The following MAST4 variants were observed in gnomAD, a reference collection of about 807,000 sequenced individuals.
MAST4 encodes microtubule associated serine/threonine kinase family member 4, also known as microtubule-associated serine/threonine-protein kinase 4.
Under a neutral mutation model 162.7 loss-of-function variants are expected in MAST4, and 89 were observed. The observed-to-expected ratio is 0.55, with a 90% CI of 0.46 to 0.65. MAST4 has a LOEUF of 0.65. Ranked by LOEUF, MAST4 falls within the 30% of genes least tolerant of loss-of-function variation. The pLI is 0.00. For synonymous variants in MAST4, 1,479 were observed against 1,361.1 expected, an observed-to-expected ratio of 1.09 and a Z score of -1.91; for missense variants, 3,153 against 3,374.0, an observed-to-expected ratio of 0.93 and a Z score of 1.62.
At chr5:66,723,831 A>G (rs1006909509) in intron 1 of MAST4, among the ~76,000 whole-genome samples, 13 of 152,198 alleles carry the variant, frequency 8.5e-5, no homozygotes, top group Admixed American at 2.0e-4. Context: ...CATTTTTGTT[A>G]AAACATTGCA....
intron 3 of MAST4, among the ~76,000 whole-genome samples, chr5:66,808,660 T>C (rs1756325234): frequency 6.6e-6 from 1 of 152,214 alleles, no homozygotes; most frequent in Non-Finnish European, 1.5e-5. Flanking sequence ...AAGAGAGTGC[T>C]TCAGAAACAT....
At chr5:66,938,029 A>G (rs1742950504) in intron 4 of MAST4, among the ~76,000 whole-genome samples, 1 of 152,006 alleles carries the variant, frequency 6.6e-6, no homozygotes, top group Non-Finnish European at 1.5e-5. Flanking sequence ...CAGGGCACTT[A>G]GCTGTTATAT....
chr5:66,647,958 T>G lies in MAST4; in HGVS notation c.363+50940T>G, dbSNP rs72759198. Among the ~76,000 whole-genome samples the G allele has an allele frequency of 9.5e-3, 1,438 of 152,096 alleles. 12 individuals carry two copies. The highest frequency in any genetic ancestry group is 0.011 in the Non-Finnish European group (746 of 67,984). ...AATTACTTCTGATAAGTCATTTACA[T>G]TATTGATGCTCTACAACTTGAGGGA... On this transcript the variant is annotated intron_variant, in intron 1 of 28. Coordinates refer to ENST00000403625, the MANE Select transcript of MAST4 (RefSeq NM_001164664.2).
chr5:66,895,678 T>C (rs547675354), intron 3 of MAST4, among the ~76,000 whole-genome samples: 1 of 152,260 alleles, frequency 6.6e-6, no homozygotes, highest in South Asian at 2.1e-4. Context: ...AGCTAGAATC[T>C]CTCTCACCTA....
chr5:67,040,185 T>C (rs1188118454), intron 4 of MAST4, among the ~76,000 whole-genome samples: 1 of 152,022 alleles, frequency 6.6e-6, no homozygotes, highest in Non-Finnish European at 1.5e-5. Flanking sequence ...GTGAGTTATC[T>C]AGAAATAAGA....
In MAST4 at chr5:67,110,128, G is replaced by T. The variant is rs1187307231; in HGVS notation, c.1387G>T (p.Ala463Ser). 6.2e-7 allele frequency: 1 copy of T among 1,613,486 alleles called. No individual in the cohort carries two copies. Among genetic ancestry groups the T allele is most frequent in the Non-Finnish European group, 8.5e-7 (1 of 1,179,528 alleles). The part of the protein sequence containing the change: ...AHDRSESGEL[A>S]FIKQLVRKIL... Reference sequence around the variant, plus strand: ...TGATCGTTCAGAAAGTGGAGAATTGGCATTTATTAAACAACTAGTTCGAAA... The same window carrying T: ...TGATCGTTCAGAAAGTGGAGAATTGTCATTTATTAAACAACTAGTTCGAAA... The change falls in exon 11 of 29, where the codon GCA becomes TCA. Residue 463 changes from alanine to serine, a missense_variant. Ala to Ser is a moderately conservative substitution (Grantham distance 99). Transcript: ENST00000403625.
At chr5:66,907,612 G>A (rs1419563102) in intron 4 of MAST4, among the ~76,000 whole-genome samples, 7 of 150,954 alleles carry the variant, frequency 4.6e-5, no homozygotes, top group East Asian at 3.9e-4. Flanking sequence ...GTGTGTGTGT[G>A]TGTGTGTGTG....
At chr5:67,083,561 A>T (rs1446401168) in intron 5 of MAST4, among the ~76,000 whole-genome samples, 1 of 152,164 alleles carries the variant, frequency 6.6e-6, no homozygotes, top group African/African-American at 2.4e-5. Flanking sequence ...TCTTCTAGGA[A>T]AAAGGGGGAA....
At chr5:66,767,540 T>G (rs530487056) in intron 2 of MAST4, among the ~76,000 whole-genome samples, 146 of 152,116 alleles carry the variant, frequency 9.6e-4, no homozygotes, top group Non-Finnish European at 1.6e-3. Context: ...ATGTAGTCAC[T>G]GAGTAGTCTT....
intron 2 of MAST4, among the ~76,000 whole-genome samples, chr5:66,771,351 A>AT (rs932162910): frequency 5.9e-5 from 9 of 151,602 alleles, no homozygotes; most frequent in South Asian, 2.1e-4. Flanking sequence ...CACCCGGCTA[A>AT]TTTTTTTTGT....
rs541922252 is a variant in MAST4, at chr5:66,893,567, T to C, written c.643-6384T>C. Among the ~76,000 whole-genome samples the C allele has an allele frequency of 2.6e-5, 4 of 152,318 alleles. No individual in the cohort carries two copies. In the South Asian group the frequency reaches 6.2e-4, roughly 24 times the overall value. The stretch of plus-strand genomic sequence containing the variant: ...TTAACTTGACTAGCACAAATAAATA[T>C]ATGAAAGTGCATTATGATTATAGAT... On this transcript the variant is annotated intron_variant, in intron 3 of 28. Transcript: ENST00000403625.
rs1164994337 is a variant in MAST4, at chr5:67,166,021, C to T, written c.6842C>T (p.Pro2281Leu). ...PSVPLHTDRA[P>L]LDAKPQPTSG... ...GTCCCACTGCACACTGACAGGGCTC[C>T]TCTAGACGCCAAGCCACAACCCACC... Residue 2281 changes from proline (P) to leucine (L), a missense_variant, in exon 29 of 29, where the codon CCT (proline) becomes CTT (leucine). Around this residue, in one of 7 missense-constraint regions of MAST4, gnomAD observed 1,644 missense variants for 1,495.0 expected, o/e 1.10. Transcript: ENST00000403625. 42 of 1,613,630 alleles carry T rather than the reference C, an allele frequency of 2.6e-5. No individual in the cohort carries two copies. The highest frequency in any genetic ancestry group is 1.6e-4 in the Middle Eastern group (1 of 6,062).
In MAST4 at chr5:66,649,818, A is replaced by C. The variant is rs138585470; in HGVS notation, c.363+52800A>C. Among the ~76,000 whole-genome samples, 1,201 of 152,158 alleles carry C rather than the reference A, an allele frequency of 7.9e-3. 11 individuals carry two copies. Among genetic ancestry groups the C allele is most frequent in the South Asian group, 0.021 (99 of 4,812 alleles). ...CCACAGTGTCTGCTATAATCCCAGCACTTTGGGAGTCTGAGGTGGGTGGAT... is the reference window on the plus strand; with the variant it reads ...CCACAGTGTCTGCTATAATCCCAGCCCTTTGGGAGTCTGAGGTGGGTGGAT... On this transcript the variant is annotated intron_variant, in intron 1 of 28. Transcript: ENST00000403625.
At position 67,116,998 on chromosome 5, in the gene MAST4, C is replaced by T. The variant is rs545294322; in HGVS notation, c.1592-1684C>T. On this transcript the variant is annotated intron_variant, in intron 12 of 28. Transcript: ENST00000403625. ...TGCATGCTGTGTGAACCTTGACCAT[C>T]CAAATTGACGCACCTCTTTGTGCCT... 1.2e-4 allele frequency among the ~76,000 whole-genome samples: 18 copies of T among 152,236 alleles called. No individual in the cohort carries two copies. The South Asian group carries it at 3.5e-3, about 30-fold the overall frequency.
intron 1 of MAST4, among the ~76,000 whole-genome samples, chr5:66,630,012 G>C (rs911317514): frequency 2.6e-5 from 4 of 152,126 alleles, no homozygotes; most frequent in African/African-American, 4.8e-5. Context: ...TGTTAGGTTA[G>C]ATCTTTATAG....
At chr5:66,745,601 G>A (rs1752708160) in intron 1 of MAST4, among the ~76,000 whole-genome samples, 1 of 152,122 alleles carries the variant, frequency 6.6e-6, no homozygotes, top group African/African-American at 2.4e-5. Context: ...GCAATTGAAG[G>A]CATTAAGCAA....
chr5:66,845,126 T>TATATATATATATACATACAC (rs1358855625), intron 3 of MAST4, among the ~76,000 whole-genome samples: 3 of 67,178 alleles, frequency 4.5e-5, no homozygotes, highest in African/African-American at 1.7e-4. Flanking sequence ...TATATATATA[T>TATATATATATATACATACAC]ACACACACAC....
intron 1 of MAST4, among the ~76,000 whole-genome samples, chr5:66,623,479 G>T (rs1308137719): frequency 1.3e-5 from 2 of 152,122 alleles, no homozygotes; most frequent in African/African-American, 4.8e-5. Flanking sequence ...ATGCAAGGAT[G>T]GTTCAATGTA....
intron 3 of MAST4, among the ~76,000 whole-genome samples, chr5:66,853,750 G>T (rs866170710): frequency 1.3e-5 from 2 of 152,162 alleles, no homozygotes; most frequent in South Asian, 4.1e-4. Context: ...GGAAGGAAAA[G>T]ACCTAATTCC....
Sources: allele counts gnomAD v4.1 joint callset (sites outside exome capture counted in the v4.1 genomes callset), GRCh38; gene constraint gnomAD v4.1.1; regional missense constraint gnomAD v4.1.1; transcripts MANE v1.5; gene names NCBI Gene and HGNC (gene_info 2026-07-23, HGNC 2026-07-21).